Variants in NCK1 observed in about 807,000 individuals in gnomAD.
NCK1 encodes SH2/SH3 adapter protein NCK1.
Under a neutral mutation model 36.6 loss-of-function variants are expected in NCK1, and 19 were observed. The ratio of observed to expected loss-of-function variants is 0.52; its 90% CI spans 0.36 to 0.76. The LOEUF is 0.76. Ranked by LOEUF, NCK1 falls within the 30% of genes least tolerant of loss-of-function variation. The pLI is 0.00. For synonymous variants in NCK1, 165 were observed against 156.0 expected (o/e 1.06, Z -0.43); for missense variants, 358 against 445.6 (o/e 0.80, Z 1.77).
At chr3:136,930,139 TC>T (rs925910691) in intron 2 of NCK1, among the ~76,000 whole-genome samples, 1 of 152,184 alleles carries the variant, frequency 6.6e-6, no homozygotes, top group Admixed American at 6.5e-5. Context: ...AATTTCTGTA[TC>T]CCTTTTTGGT....
intron 2 of NCK1, among the ~76,000 whole-genome samples, chr3:136,938,447 G>C (rs1195727922): frequency 6.6e-6 from 1 of 152,180 alleles, no homozygotes; most frequent in African/African-American, 2.4e-5. Context: ...CACATTCCCA[G>C]TTGAGGCAAT....
chr3:136,898,385 C>CAAAAAAAAAAAAA, intron 1 of NCK1, among the ~76,000 whole-genome samples: 1 of 76,576 alleles, frequency 1.3e-5, no homozygotes, highest in Non-Finnish European at 2.4e-5. Flanking sequence ...GACTCCCTCT[C>CAAAAAAAAAAAAA]AAAAAAAAAA....
chr3:136,931,004 G>A (rs7651644), intron 2 of NCK1, among the ~76,000 whole-genome samples: 103,872 of 151,044 alleles, frequency 0.69, 35,895 homozygotes, highest in East Asian at 0.87. Context: ...ACTACTTTTT[G>A]CTTACTTTTT....
intron 1 of NCK1, among the ~76,000 whole-genome samples, chr3:136,882,886 G>A (rs1576949663): frequency 6.6e-6 from 1 of 152,082 alleles, no homozygotes; most frequent in Non-Finnish European, 1.5e-5. Flanking sequence ...CTTTCACAGC[G>A]TGTGTTGGAT....
chr3:136,918,381 C>A (rs915604198), intron 1 of NCK1, among the ~76,000 whole-genome samples: 1 of 151,960 alleles, frequency 6.6e-6, no homozygotes, highest in Admixed American at 6.6e-5. Context: ...AAACAAAAAA[C>A]CCAATACAGT....
chr3:136,923,804 T>C (rs1324106546), intron 1 of NCK1, among the ~76,000 whole-genome samples: 2 of 152,188 alleles, frequency 1.3e-5, no homozygotes, highest in African/African-American at 4.8e-5. Flanking sequence ...TCCAAATGTT[T>C]TACATAATTA....
At chr3:136,901,580 G>A (rs910000158) in intron 1 of NCK1, among the ~76,000 whole-genome samples, 11 of 151,940 alleles carry the variant, frequency 7.2e-5, no homozygotes, top group Non-Finnish European at 1.6e-4. Context: ...TTCAGGTTTC[G>A]TATTTCTTCC....
intron 2 of NCK1, among the ~76,000 whole-genome samples, chr3:136,942,790 AGTT>A (rs765271528): frequency 2.6e-5 from 4 of 151,998 alleles, no homozygotes; most frequent in Non-Finnish European, 5.9e-5. Context: ...TCCTTGTCCC[AGTT>A]GTTGTCCCTT....
intron 1 of NCK1, among the ~76,000 whole-genome samples, chr3:136,866,400 C>T (rs1356149391): frequency 8.6e-5 from 13 of 151,346 alleles, no homozygotes; most frequent in South Asian, 6.3e-4. Flanking sequence ...CTCTGCCTCC[C>T]GGGTTCAAGC....
chr3:136,878,961 T>C (rs1938853517), intron 1 of NCK1, among the ~76,000 whole-genome samples: 2 of 152,208 alleles, frequency 1.3e-5, no homozygotes, highest in Admixed American at 6.5e-5. Flanking sequence ...ATTTGGAGGA[T>C]GGTTCTCTTA....
At chr3:136,916,013 A>C in intron 1 of NCK1, among the ~76,000 whole-genome samples, 1 of 152,154 alleles carries the variant, frequency 6.6e-6, no homozygotes, top group East Asian at 1.9e-4. Context: ...GGTGTGAGCC[A>C]CTGGGCCCGG....
intron 1 of NCK1, among the ~76,000 whole-genome samples, chr3:136,865,304 C>T (rs929886361): frequency 6.6e-6 from 1 of 152,004 alleles, no homozygotes; most frequent in Admixed American, 6.6e-5. Context: ...AGGCTGGTCT[C>T]GAACTCCTGA....
intron 1 of NCK1, among the ~76,000 whole-genome samples, chr3:136,874,329 C>G (rs1019063274): frequency 6.6e-6 from 1 of 152,186 alleles, no homozygotes; most frequent in Non-Finnish European, 1.5e-5. Context: ...GCACTTGCCA[C>G]TACACCTGGC....
At chr3:136,912,069 T>G (rs1182124563) in intron 1 of NCK1, among the ~76,000 whole-genome samples, 2 of 152,170 alleles carry the variant, frequency 1.3e-5, no homozygotes, top group Non-Finnish European at 2.9e-5. Flanking sequence ...GTGCATCTCC[T>G]TGTGTTCATG....
At chr3:136,880,020 C>T (rs1938885299) in intron 1 of NCK1, among the ~76,000 whole-genome samples, 2 of 147,600 alleles carry the variant, frequency 1.4e-5, no homozygotes, top group East Asian at 2.0e-4. Flanking sequence ...CACAGTGGCT[C>T]ACGCCTGTAA....
In NCK1 at chr3:136,945,449, T is replaced by C. The variant is rs544364534; in HGVS notation, c.227-134T>C. The stretch of plus-strand genomic sequence containing the variant: ...TCCAAAAAGATGATTTTTAACTACA[T>C]AGAAATTTGTTATATTTAAAAGCTT... On this transcript the variant is annotated intron_variant, in intron 2 of 3. Transcript: ENST00000481752. The C allele has an allele frequency of 1.6e-4, 94 of 594,744 alleles. 1 individual carries two copies. The highest frequency in any genetic ancestry group is 3.7e-4 in the South Asian group (8 of 21,524). The allele number at this position is 594,744 out of a possible 1,614,324, so 36.8% of individuals were successfully genotyped here. A position where few individuals can be genotyped will look rare whatever the true frequency, so the allele number is the denominator to read the frequency against.
At chr3:136,922,377 A>G (rs567010949) in intron 1 of NCK1, among the ~76,000 whole-genome samples, 3 of 152,328 alleles carry the variant, frequency 2.0e-5, no homozygotes, top group Admixed American at 1.3e-4. Flanking sequence ...TATAATTTCA[A>G]GCTTTCTAAG....
At chr3:136,880,885 G>C (rs1049174168) in intron 1 of NCK1, among the ~76,000 whole-genome samples, 2 of 151,998 alleles carry the variant, frequency 1.3e-5, no homozygotes, top group African/African-American at 2.4e-5. Context: ...TGGGGATTAC[G>C]GGTGTTAGGC....
rs758777810 is a variant in NCK1 at position 136,945,836 on chromosome 3, A to C, written c.480A>C (p.Val160=). Residue 160 remains valine (V), a synonymous_variant, in exon 3 of 4, where the codon GTA becomes GTC. Coordinates refer to ENST00000481752, the MANE Select transcript of NCK1 (RefSeq NM_001291999.2). ...TTGGATGGTTCCCTTCAAACTATGT[A>C]ACTGAAGAAGGTGACAGTCCTTTGG... ...GQVGWFPSNY[V]TEEGDSPLGD... 1 of 1,614,192 alleles carries C rather than the reference A, an allele frequency of 6.2e-7. No individual in the cohort carries two copies.
Sources: gnomAD v4.1 joint callset for allele counts (sites outside exome capture counted in the v4.1 genomes callset) on GRCh38, gnomAD v4.1.1 for gene constraint, MANE v1.5 for transcripts, NCBI Gene and HGNC (gene_info 2026-07-23, HGNC 2026-07-21) for gene names.